MAST4: variants seen among roughly 807,000 people sequenced by gnomAD.
MAST4 encodes microtubule associated serine/threonine kinase family member 4.
A neutral mutation model predicts 162.7 loss-of-function variants in MAST4; 89 were observed. That is an observed-to-expected ratio of 0.55 (90% CI 0.46 to 0.65). The LOEUF is 0.65. Among genes scored for constraint, MAST4 ranks in the 30% least tolerant of loss-of-function variants. MAST4 has a pLI of 0.00. For synonymous variants in MAST4, 1,479 were observed against 1,361.1 expected (o/e 1.09, Z -1.91); for missense variants, 3,153 against 3,374.0 (o/e 0.93, Z 1.62).
chr5:67,157,224 T>C (rs1772641995), intron 26 of MAST4, among the ~76,000 whole-genome samples: 1 of 152,234 alleles, frequency 6.6e-6, no homozygotes, highest in African/African-American at 2.4e-5. Context: ...ACCATTTTTG[T>C]AACCATTAAT....
rs764330007 is a variant in MAST4 at position 66,596,835 on chromosome 5, G to A, written c.180G>A (p.Glu60=). 2.2e-5 allele frequency: 29 copies of A among 1,292,504 alleles called. No homozygotes were observed. Among genetic ancestry groups the A allele is most frequent in the Admixed American group, 4.3e-5 (1 of 23,510 alleles). 80.1% of individuals were successfully genotyped at this position (1,292,504 alleles called of 1,614,324 possible). A position where few individuals can be genotyped will look rare whatever the true frequency, so the allele number is the denominator to read the frequency against. The change falls in exon 1 of 29, where the codon GAG becomes GAA. Residue 60 remains glutamate, a synonymous_variant. Transcript: ENST00000403625. ...GGGAGCCCGGCGGCTTCTCCAGAGA[G>A]CATCAGCCGCCGCCGCCGCCGCCGT... The part of the protein sequence containing the change: ...EEGEPGGFSR[E]HQPPPPPPLG...
At chr5:66,877,825 G>A (rs994126700) in intron 3 of MAST4, among the ~76,000 whole-genome samples, 1 of 152,166 alleles carries the variant, frequency 6.6e-6, no homozygotes, top group Non-Finnish European at 1.5e-5. Context: ...ATTTGTACTA[G>A]GTACTAAATT....
chr5:66,626,576 A>T (rs574070386), intron 1 of MAST4, among the ~76,000 whole-genome samples: 2 of 152,352 alleles, frequency 1.3e-5, no homozygotes, highest in Admixed American at 1.3e-4. Context: ...AACATTTGCA[A>T]ATTGTTTCCC....
chr5:66,602,307 A>G (rs1742606475), intron 1 of MAST4, among the ~76,000 whole-genome samples: 1 of 152,168 alleles, frequency 6.6e-6, no homozygotes, highest in Non-Finnish European at 1.5e-5. Flanking sequence ...GTGTTTGGGT[A>G]CTAACACGCA....
intron 1 of MAST4, among the ~76,000 whole-genome samples, chr5:66,743,745 A>G (rs1401412133): frequency 6.6e-6 from 1 of 152,204 alleles, no homozygotes; most frequent in African/African-American, 2.4e-5. Flanking sequence ...GGTAAGACGG[A>G]TCTATGCTGT....
intron 3 of MAST4, among the ~76,000 whole-genome samples, chr5:66,870,368 T>C (rs1760840428): frequency 6.6e-6 from 1 of 152,168 alleles, no homozygotes; most frequent in Non-Finnish European, 1.5e-5. Context: ...ATGGGTGGGA[T>C]GTCTAACCCT....
chr5:66,657,710 T>C (rs977761665), intron 1 of MAST4, among the ~76,000 whole-genome samples: 5 of 152,226 alleles, frequency 3.3e-5, no homozygotes, highest in Admixed American at 6.5e-5. Flanking sequence ...TATTTCTATG[T>C]GTTCTTTCTT....
chr5:66,829,016 C>T (rs1400113087), intron 3 of MAST4: 17 of 772,938 alleles, frequency 2.2e-5, no homozygotes, highest in South Asian at 4.7e-5. Context: ...CAACGCTATA[C>T]GGAGTTTCTG....
chr5:66,875,929 C>T (rs1160065612), intron 3 of MAST4, among the ~76,000 whole-genome samples: 2 of 152,060 alleles, frequency 1.3e-5, no homozygotes, highest in Non-Finnish European at 1.5e-5. Context: ...ACCCAGCTCA[C>T]GTTTTTATTT....
intron 1 of MAST4, among the ~76,000 whole-genome samples, chr5:66,716,282 C>T (rs1750830672): frequency 7.9e-5 from 12 of 152,038 alleles, no homozygotes; most frequent in Admixed American, 7.9e-4. Flanking sequence ...AAATTATATA[C>T]CATGCCACTA....
At chr5:66,680,411 C>T (rs1748252321) in intron 1 of MAST4, among the ~76,000 whole-genome samples, 1 of 152,158 alleles carries the variant, frequency 6.6e-6, no homozygotes. Flanking sequence ...AGGGTACTTC[C>T]TAACCTCATT....
intron 6 of MAST4, among the ~76,000 whole-genome samples, chr5:67,094,368 A>T (rs1764199229): frequency 6.6e-6 from 1 of 152,184 alleles, no homozygotes; most frequent in African/African-American, 2.4e-5. Flanking sequence ...CTCAAATTCA[A>T]GCCTAATGTT....
At chr5:66,832,992 A>G (rs1011657283) in intron 3 of MAST4, among the ~76,000 whole-genome samples, 3 of 152,090 alleles carry the variant, frequency 2.0e-5, no homozygotes, top group African/African-American at 7.2e-5. Context: ...GAGGAGTTCA[A>G]TTTCTGCCTC....
At chr5:66,945,958 A>T (rs756824020) in intron 4 of MAST4, among the ~76,000 whole-genome samples, 1 of 152,174 alleles carries the variant, frequency 6.6e-6, no homozygotes, top group Non-Finnish European at 1.5e-5. Context: ...TTTATTTCAA[A>T]CAGATATTTG....
At chr5:66,709,736 T>C (rs1165565655) in intron 1 of MAST4, among the ~76,000 whole-genome samples, 2 of 152,216 alleles carry the variant, frequency 1.3e-5, no homozygotes, top group Admixed American at 1.3e-4. Flanking sequence ...AAAATACTTA[T>C]TTTGGTCAAA....
intron 3 of MAST4, among the ~76,000 whole-genome samples, chr5:66,848,407 G>A (rs1432348764): frequency 1.3e-5 from 2 of 152,036 alleles, no homozygotes; most frequent in Non-Finnish European, 2.9e-5. Context: ...TAGTATATTT[G>A]TGCTTTTACT....
At chr5:67,142,644 C>T (rs931994357) in intron 21 of MAST4, 111 bp downstream of exon 21, 11 of 712,556 alleles carry the variant, frequency 1.5e-5, no homozygotes, top group Non-Finnish European at 2.6e-5. Flanking sequence ...TTTGAGGTCT[C>T]CTATGCTTAA....
chr5:66,605,090 A>G (rs1742795951), intron 1 of MAST4, among the ~76,000 whole-genome samples: 1 of 152,236 alleles, frequency 6.6e-6, no homozygotes, highest in South Asian at 2.1e-4. Flanking sequence ...TTAGTTCCCT[A>G]TAAGCATATC....
At chr5:67,050,898 C>T (rs467845) in intron 4 of MAST4, among the ~76,000 whole-genome samples, 19,200 of 152,118 alleles carry the variant, frequency 0.13, 1,342 homozygotes, top group Middle Eastern at 0.21. Flanking sequence ...TGGGCTTTCA[C>T]GTCGGAGCAT....
Sources: gnomAD v4.1 joint callset for allele counts (sites outside exome capture counted in the v4.1 genomes callset) on GRCh38, gnomAD v4.1.1 for gene constraint, MANE v1.5 for transcripts, NCBI Gene and HGNC (gene_info 2026-07-23, HGNC 2026-07-21) for gene names.